Variants in GULP1 observed in about 807,000 individuals in gnomAD.
The protein encoded by GULP1 is GULP PTB domain containing engulfment adaptor 1, also known as PTB domain-containing engulfment adapter protein 1.
Under a neutral mutation model 40.9 loss-of-function variants are expected in GULP1, and 19 were observed. That is an observed-to-expected ratio of 0.46 (90% CI 0.32 to 0.68). GULP1 has a LOEUF of 0.68. Among genes scored for constraint, GULP1 ranks in the 30% least tolerant of loss-of-function variants. The pLI is 0.03. For synonymous variants in GULP1, 119 were observed against 117.6 expected (o/e 1.01, Z -0.08); for missense variants, 312 against 362.2 (o/e 0.86, Z 1.12).
chr2:188,306,858 G>A (rs2037179770), intron 1 of GULP1, among the ~76,000 whole-genome samples: 1 of 152,202 alleles, frequency 6.6e-6, no homozygotes, highest in South Asian at 2.1e-4. Flanking sequence ...TGGAAGCCTA[G>A]TTTAGAGGGA....
chr2:188,381,395 A>T (rs1039764107), intron 1 of GULP1, among the ~76,000 whole-genome samples: 3 of 149,744 alleles, frequency 2.0e-5, no homozygotes, highest in African/African-American at 7.7e-5. Context: ...AATAAAGGCT[A>T]CGGGGATGTT....
intron 6 of GULP1, among the ~76,000 whole-genome samples, chr2:188,535,067 A>T (rs2153275410): frequency 6.6e-6 from 1 of 151,170 alleles, no homozygotes; most frequent in South Asian, 2.1e-4. Flanking sequence ...AATTGGTAAT[A>T]TTTAATTATT....
intron 2 of GULP1, among the ~76,000 whole-genome samples, chr2:188,469,073 T>A (rs1310833960): frequency 6.6e-6 from 1 of 152,148 alleles, no homozygotes; most frequent in African/African-American, 2.4e-5. Flanking sequence ...GGGTTGAGGC[T>A]GCTGAGGCTG....
In GULP1 at chr2:188,400,269, C is replaced by T. The variant is rs2052031190; in HGVS notation, c.-45+16380C>T. Among the ~76,000 whole-genome samples the T allele has an allele frequency of 2.0e-5, 3 of 152,164 alleles. No individual in the cohort carries two copies. In the South Asian group the frequency reaches 6.2e-4, roughly 32 times the overall value. Reference sequence around the variant, plus strand: ...CTATATTCTTTCCTCTTCTTATAAACATATCAGTCATTGTATTTAGGGCCC... The same window carrying T: ...CTATATTCTTTCCTCTTCTTATAAATATATCAGTCATTGTATTTAGGGCCC... On this transcript the variant is annotated intron_variant, in intron 2 of 11. Coordinates refer to ENST00000409830, the MANE Select transcript of GULP1 (RefSeq NM_016315.4).
At chr2:188,382,779 G>A (rs2049165974) in intron 1 of GULP1, among the ~76,000 whole-genome samples, 1 of 152,216 alleles carries the variant, frequency 6.6e-6, no homozygotes. Flanking sequence ...CCAGCTACTC[G>A]GGAGGCTGAG....
intron 1 of GULP1, among the ~76,000 whole-genome samples, chr2:188,299,939 T>C (rs1198879785): frequency 1.3e-5 from 2 of 152,194 alleles, no homozygotes; most frequent in Non-Finnish European, 2.9e-5. Flanking sequence ...CTTGTGGATT[T>C]TACAGTTATA....
intron 2 of GULP1, among the ~76,000 whole-genome samples, chr2:188,428,368 GA>G (rs1463350741): frequency 6.6e-6 from 1 of 152,140 alleles, no homozygotes; most frequent in East Asian, 1.9e-4. Context: ...AAGAAGATGA[GA>G]TTTGGTAGGG....
At chr2:188,498,357 A>C (rs1275661671) in intron 4 of GULP1, among the ~76,000 whole-genome samples, 1 of 151,902 alleles carries the variant, frequency 6.6e-6, no homozygotes, top group African/African-American at 2.4e-5. Context: ...TCTTAGTTCT[A>C]GATGTTGAAT....
At chr2:188,371,986 A>G (rs1027877033) in intron 1 of GULP1, among the ~76,000 whole-genome samples, 1 of 116,550 alleles carries the variant, frequency 8.6e-6, no homozygotes, top group Non-Finnish European at 1.7e-5. Context: ...GATCCATTTA[A>G]GAGGTAGCTA....
chr2:188,526,891 C>T (rs1686297037), intron 5 of GULP1, among the ~76,000 whole-genome samples: 1 of 152,144 alleles, frequency 6.6e-6, no homozygotes, highest in Non-Finnish European at 1.5e-5. Context: ...ACTTACTGTT[C>T]TTATCTTTGA....
rs541032674 is a variant in GULP1 at position 188,556,802 on chromosome 2, G to A, written c.400-12437G>A. 2.8e-3 allele frequency among the ~76,000 whole-genome samples: 426 copies of A among 152,188 alleles called. 2 individuals are homozygous for A. Among genetic ancestry groups the A allele is most frequent in the African/African-American group, 8.8e-3 (364 of 41,526 alleles). ...TGTAATCCCAGCACTTTGGGAGGCC[G>A]AGGCGGGTGGATCACGAGGTCAGGA... On this transcript the variant is annotated intron_variant, in intron 7 of 11. Coordinates refer to ENST00000409830, the MANE Select transcript of GULP1 (RefSeq NM_016315.4).
chr2:188,443,509 C>T (rs1427542362), intron 2 of GULP1, among the ~76,000 whole-genome samples: 4 of 152,180 alleles, frequency 2.6e-5, no homozygotes, highest in South Asian at 4.2e-4. Context: ...GATTGACCCT[C>T]GAGCCTAAGC....
At chr2:188,302,664 C>A (rs189467399) in intron 1 of GULP1, among the ~76,000 whole-genome samples, 3 of 152,280 alleles carry the variant, frequency 2.0e-5, no homozygotes, top group Admixed American at 1.3e-4. Context: ...TTGACCAAAT[C>A]CTGGTCAGGC....
chr2:188,399,409 T>C (rs1314257945), intron 2 of GULP1, among the ~76,000 whole-genome samples: 1 of 152,090 alleles, frequency 6.6e-6, no homozygotes, highest in Non-Finnish European at 1.5e-5. Context: ...CCACGGCAAC[T>C]GATTAACAGT....
At chr2:188,395,231 A>G (rs571657501) in intron 2 of GULP1, among the ~76,000 whole-genome samples, 1 of 152,310 alleles carries the variant, frequency 6.6e-6, no homozygotes, top group South Asian at 2.1e-4. Flanking sequence ...TCCTAGTTAC[A>G]CTACTGACTC....
At chr2:188,573,399 A>C (rs1699513748) in intron 9 of GULP1, among the ~76,000 whole-genome samples, 1 of 152,216 alleles carries the variant, frequency 6.6e-6, no homozygotes, top group African/African-American at 2.4e-5. Flanking sequence ...AATTTGAAAA[A>C]CAGACAATGC....
At chr2:188,557,835 T>C (rs142847142) in intron 7 of GULP1, among the ~76,000 whole-genome samples, 1,535 of 152,354 alleles carry the variant, frequency 0.01, 19 homozygotes, top group Admixed American at 0.035. Flanking sequence ...CCAAAGCTTA[T>C]GACTTGCACC....
intron 3 of GULP1, among the ~76,000 whole-genome samples, chr2:188,481,059 A>T (rs2061410666): frequency 6.6e-6 from 1 of 151,944 alleles, no homozygotes. Context: ...TGCATTTTGA[A>T]AACCTAAATT....
intron 1 of GULP1, among the ~76,000 whole-genome samples, chr2:188,308,192 G>A (rs1317054191): frequency 6.6e-6 from 1 of 152,010 alleles, no homozygotes; most frequent in Non-Finnish European, 1.5e-5. Flanking sequence ...AGGAGAGACT[G>A]TCTGTGACTG....
Sources: allele counts gnomAD v4.1 joint callset (sites outside exome capture counted in the v4.1 genomes callset), GRCh38; gene constraint gnomAD v4.1.1; transcripts MANE v1.5; gene names NCBI Gene and HGNC (gene_info 2026-07-23, HGNC 2026-07-21).